IKBIP: variants seen among roughly 807,000 people sequenced by gnomAD.
IKBIP encodes the protein IKBKB interacting protein.
IKBIP carries 28 observed loss-of-function variants against 31.0 expected under a neutral mutation model. The ratio of observed to expected loss-of-function variants is 0.90; its 90% CI spans 0.67 to 1.24. IKBIP has a LOEUF of 1.24. IKBIP is among the 50% of genes most tolerant of loss of function. The pLI is 0.00. For synonymous variants in IKBIP, 164 were observed against 160.3 expected (o/e 1.02, Z -0.17); for missense variants, 453 against 441.9 (o/e 1.03, Z -0.23).
chr12:98,638,744 G>A (rs1485499919), intron 1 of IKBIP, among the ~76,000 whole-genome samples: 1 of 151,792 alleles, frequency 6.6e-6, no homozygotes, highest in Non-Finnish European at 1.5e-5. Flanking sequence ...TACCACCACT[G>A]GCTAATTAAA....
At chr12:98,638,607 C>T (rs1233516345) in intron 1 of IKBIP, among the ~76,000 whole-genome samples, 2 of 151,664 alleles carry the variant, frequency 1.3e-5, no homozygotes, top group African/African-American at 4.8e-5. Context: ...TGTTTTTCGA[C>T]AAGGTCTCAT....
rs534939888 is a variant in IKBIP, at chr12:98,636,880, T to A, written c.180-2467A>T. Among the ~76,000 whole-genome samples, 284 of 151,852 alleles carry A rather than the reference T, an allele frequency of 1.9e-3. 1 individual carries two copies. Among genetic ancestry groups the A allele is most frequent in the African/African-American group, 6.6e-3 (272 of 41,422 alleles). Reference sequence around the variant, plus strand: ...GAGACCACCCTAAAGAAATAAGAGTTGCCCTCCTCACGCCTTCCTGTCCCT... The same window carrying A: ...GAGACCACCCTAAAGAAATAAGAGTAGCCCTCCTCACGCCTTCCTGTCCCT... On this transcript the variant is annotated intron_variant, in intron 1 of 2. Coordinates refer to ENST00000299157, the MANE Select transcript of IKBIP (RefSeq NM_153687.4).
intron 1 of IKBIP, among the ~76,000 whole-genome samples, chr12:98,636,921 A>G (rs565549207): frequency 0.033 from 4,848 of 147,472 alleles, 171 homozygotes; most frequent in East Asian, 0.13. Flanking sequence ...CCAGGGGGGA[A>G]AAAAAAAAAG....
intron 2 of IKBIP, among the ~76,000 whole-genome samples, chr12:98,631,987 C>T (rs1268504451): frequency 6.6e-6 from 1 of 151,492 alleles, no homozygotes; most frequent in African/African-American, 2.4e-5. Flanking sequence ...TCCCGAGTAG[C>T]TGGGATTACA....
chr12:98,627,571 T>C (rs1158331270), intron 2 of IKBIP, among the ~76,000 whole-genome samples: 2 of 151,928 alleles, frequency 1.3e-5, no homozygotes, highest in Non-Finnish European at 2.9e-5. Flanking sequence ...CCTGAGTAGC[T>C]GGGACTACAG....
chr12:98,626,124 C>T lies in IKBIP; in HGVS notation c.940G>A (p.Ala314Thr), dbSNP rs149763252. The T allele has an allele frequency of 6.2e-7, 1 of 1,608,474 alleles. No homozygotes were observed. The highest frequency in any genetic ancestry group is 8.5e-7 in the Non-Finnish European group (1 of 1,176,206). Reference protein sequence around the residue: ...MFNMEDDMLKAVSEIMEMQKT... With the variant: ...MFNMEDDMLKTVSEIMEMQKT... The stretch of plus-strand genomic sequence containing the variant: ...TGCATCTCCATTATTTCAGACACTG[C>T]TTTCAGCATATCATCTTCCATATTA... The change falls in exon 3 of 3, where the codon GCA (alanine) becomes ACA (threonine). Residue 314 changes from alanine to threonine, a missense_variant. Physicochemically the swap from Ala to Thr is moderately conservative, Grantham distance 58. Transcript: ENST00000299157.
chr12:98,615,854 G>A (rs915530196), intron 2 of IKBIP, among the ~76,000 whole-genome samples: 2 of 152,016 alleles, frequency 1.3e-5, no homozygotes, highest in East Asian at 1.9e-4. Context: ...AGGGAGAACC[G>A]CATTTTGTGT....
At chr12:98,630,677 GTA>G in intron 2 of IKBIP, among the ~76,000 whole-genome samples, 1 of 152,136 alleles carries the variant, frequency 6.6e-6, no homozygotes, top group Non-Finnish European at 1.5e-5. Context: ...AGGACTTACT[GTA>G]TATCTCATCT....
In IKBIP at chr12:98,624,516, C is replaced by T. The variant is rs982088571; in HGVS notation, c.*1414G>A. On this transcript the variant is annotated 3_prime_UTR_variant, in exon 3 of 3. Transcript: ENST00000299157. Reference sequence around the variant, plus strand: ...ACATATTAAAACTACTTGACCACAACTACCTTTTTGTAACTGACTGCTTTC... The same window carrying T: ...ACATATTAAAACTACTTGACCACAATTACCTTTTTGTAACTGACTGCTTTC... 1.0e-5 allele frequency: 10 copies of T among 985,228 alleles called. No individual in the cohort carries two copies. The African/African-American group carries it at 1.7e-4, about 17-fold the overall frequency. The allele number at this position is 985,228 out of a possible 1,614,324, so 61.0% of individuals were successfully genotyped here. A position where few individuals can be genotyped will look rare whatever the true frequency, so the allele number is the denominator to read the frequency against.
At chr12:98,622,870 T>C (rs2097611168), downstream of IKBIP, among the ~76,000 whole-genome samples, 1 of 144,778 alleles carries the variant, frequency 6.9e-6, no homozygotes, top group Non-Finnish European at 1.5e-5. Flanking sequence ...TTAAGCAAAA[T>C]TTAAGGCAAT....
chr12:98,613,426 G>T, exon 3 of IKBIP: 5 of 427,620 alleles, frequency 1.2e-5, no homozygotes, highest in Non-Finnish European at 1.6e-5. Flanking sequence ...TATTTATTTT[G>T]GAAAATCAAC....
At chr12:98,633,253 C>T (rs1372273775) in intron 2 of IKBIP, among the ~76,000 whole-genome samples, 1 of 152,056 alleles carries the variant, frequency 6.6e-6, no homozygotes, top group Non-Finnish European at 1.5e-5. Flanking sequence ...TAGCTTGGTC[C>T]CTGGTACCCA....
In IKBIP at chr12:98,625,180, T is replaced by C. The variant is rs941156152; in HGVS notation, c.*750A>G. The C allele has an allele frequency of 1.8e-5, 18 of 984,372 alleles. No individual in the cohort carries two copies. The highest frequency in any genetic ancestry group is 6.2e-5 in the Admixed American group (1 of 16,258). The allele number at this position is 984,372 out of a possible 1,614,324, so 61.0% of individuals were successfully genotyped here. A position where few individuals can be genotyped will look rare whatever the true frequency, so the allele number is the denominator to read the frequency against. ...ACAGTTGGAACCTAAAACTCAGGTA[T>C]ATAAAGATATTTCAAAGATTTATAT... On this transcript the variant is annotated 3_prime_UTR_variant, in exon 3 of 3. Coordinates refer to ENST00000299157, the MANE Select transcript of IKBIP (RefSeq NM_153687.4).
downstream of IKBIP, among the ~76,000 whole-genome samples, chr12:98,622,954 T>C (rs1323621674): frequency 1.3e-5 from 2 of 151,388 alleles, no homozygotes; most frequent in African/African-American, 4.9e-5. Context: ...GATTTATTCC[T>C]GTTAACATTA....
intron 1 of IKBIP, among the ~76,000 whole-genome samples, chr12:98,638,576 A>G (rs2153300731): frequency 6.6e-6 from 1 of 151,158 alleles, no homozygotes; most frequent in South Asian, 2.1e-4. Flanking sequence ...CACCCAGCCA[A>G]TACTTCATAG....
intron 1 of IKBIP, among the ~76,000 whole-genome samples, chr12:98,639,530 CT>C (rs1215571213): frequency 6.6e-6 from 1 of 152,222 alleles, no homozygotes; most frequent in Non-Finnish European, 1.5e-5. Flanking sequence ...CAAAAAGAAT[CT>C]TCCTGACTCC....
exon 3 of IKBIP, chr12:98,613,952 C>T (rs753072661): frequency 2.5e-5 from 40 of 1,613,598 alleles, no homozygotes; most frequent in Non-Finnish European, 3.3e-5. Flanking sequence ...TGCTGTCTTT[C>T]GGAGCGTTGC....
intron 2 of IKBIP, among the ~76,000 whole-genome samples, chr12:98,618,106 C>T (rs1205211744): frequency 6.6e-6 from 1 of 152,030 alleles, no homozygotes; most frequent in African/African-American, 2.4e-5. Context: ...GAGTTTGACG[C>T]TGTAGTGTGC....
Position 98,624,586 on chromosome 12 carries a change from G to A in IKBIP, c.*1344C>T. The A allele has an allele frequency of 2.1e-6, 2 of 941,668 alleles. No homozygotes were observed. Among genetic ancestry groups the A allele is most frequent in the Non-Finnish European group, 2.5e-6 (2 of 790,176 alleles). 58.3% of individuals were successfully genotyped at this position (941,668 alleles called of 1,614,324 possible). Reference sequence around the variant, plus strand: ...CCATCAAAAACTGCATTATAAAACTGGTAAGGTTATTGACAAAGAAACAAG... The same window carrying A: ...CCATCAAAAACTGCATTATAAAACTAGTAAGGTTATTGACAAAGAAACAAG... On this transcript the variant is annotated 3_prime_UTR_variant, in exon 3 of 3. Coordinates refer to ENST00000299157, the MANE Select transcript of IKBIP (RefSeq NM_153687.4).
Sources: gnomAD v4.1 joint callset for allele counts (sites outside exome capture counted in the v4.1 genomes callset) on GRCh38, gnomAD v4.1.1 for gene constraint, MANE v1.5 for transcripts, NCBI Gene and HGNC (gene_info 2026-07-23, HGNC 2026-07-21) for gene names.